The following PDE4B variants were observed in gnomAD, a reference collection of about 807,000 sequenced individuals.
PDE4B encodes 3',5'-cyclic-AMP phosphodiesterase 4B.
Under a neutral mutation model 82.2 loss-of-function variants are expected in PDE4B, and 20 were observed. The ratio of observed to expected loss-of-function variants is 0.24; its 90% CI spans 0.17 to 0.35. The LOEUF (loss-of-function observed/expected upper bound fraction) is 0.35, where lower values mean the gene tolerates loss of function less well. PDE4B is among the 10% of genes least tolerant of loss of function. The pLI is 1.00. For missense variants in PDE4B, 655 were observed against 907.2 expected (o/e 0.72, Z 3.57); for synonymous variants, 320 against 318.9 (o/e 1.00, Z -0.04).
At chr1:65,927,066 A>C (rs189892942) in intron 3 of PDE4B, among the ~76,000 whole-genome samples, 1 of 152,168 alleles carries the variant, frequency 6.6e-6, no homozygotes, top group East Asian at 1.9e-4. Flanking sequence ...AGAGAAACAA[A>C]ACTGAGGAAA....
chr1:66,103,298 C>G (rs1645263319), intron 3 of PDE4B, among the ~76,000 whole-genome samples: 1 of 151,990 alleles, frequency 6.6e-6, no homozygotes, highest in Non-Finnish European at 1.5e-5. Flanking sequence ...AGTTCAAGGA[C>G]CTGCAATAAA....
intron 3 of PDE4B, among the ~76,000 whole-genome samples, chr1:66,096,508 T>TTATATATATATATATATATA (rs4068855): frequency 2.4e-4 from 26 of 107,300 alleles, no homozygotes; most frequent in South Asian, 3.2e-4. Context: ...GTAAAAAAAA[T>TTATATATATATATATATATA]TATATATATA....
chr1:65,903,003 T>G (rs1450152757), intron 1 of PDE4B, among the ~76,000 whole-genome samples: 3 of 152,174 alleles, frequency 2.0e-5, no homozygotes, highest in Non-Finnish European at 4.4e-5. Context: ...CTATATTTTA[T>G]CTGTAAAATA....
chr1:65,923,229 A>G (rs1647315674), intron 3 of PDE4B, among the ~76,000 whole-genome samples: 1 of 152,218 alleles, frequency 6.6e-6, no homozygotes, highest in Non-Finnish European at 1.5e-5. Flanking sequence ...TTGTATTCGT[A>G]TAATACCAGG....
At chr1:65,877,634 A>C (rs1361762551) in intron 1 of PDE4B, among the ~76,000 whole-genome samples, 3 of 150,780 alleles carry the variant, frequency 2.0e-5, no homozygotes, top group African/African-American at 7.3e-5. Flanking sequence ...TAAATAAATA[A>C]ATAAATAAAT....
rs372753339 is a variant in PDE4B, at chr1:65,882,983, C to A, written c.-70-30262C>A. 1.2e-4 allele frequency among the ~76,000 whole-genome samples: 19 copies of A among 152,224 alleles called. No homozygotes were observed. The East Asian group carries it at 3.3e-3, about 26-fold the overall frequency. On this transcript the variant is annotated intron_variant, in intron 1 of 16. Coordinates refer to ENST00000341517, the MANE Select transcript of PDE4B (RefSeq NM_002600.4). Reference sequence around the variant, plus strand: ...TATGTCTTCATTTGAATCTTTCCTGCATCACATTATTATTTATCTGACCTT... The same window carrying A: ...TATGTCTTCATTTGAATCTTTCCTGAATCACATTATTATTTATCTGACCTT...
At chr1:65,984,206 T>G (rs950442885) in intron 3 of PDE4B, among the ~76,000 whole-genome samples, 1 of 152,206 alleles carries the variant, frequency 6.6e-6, no homozygotes, top group South Asian at 2.1e-4. Flanking sequence ...AAGGACATTG[T>G]GCTGAATAAA....
At chr1:65,801,719 C>T (rs12142070) in intron 1 of PDE4B, among the ~76,000 whole-genome samples, 63,271 of 151,996 alleles carry the variant, frequency 0.42, 16,674 homozygotes, top group Non-Finnish European at 0.58. Context: ...CCATAATCTT[C>T]GGTAAGATAG....
chr1:65,894,791 A>T (rs969266580), intron 1 of PDE4B, among the ~76,000 whole-genome samples: 3 of 152,180 alleles, frequency 2.0e-5, no homozygotes, highest in Non-Finnish European at 4.4e-5. Flanking sequence ...GTTCTTAGGG[A>T]AATGTAAATC....
chr1:66,310,818 T>A (rs982963149), intron 7 of PDE4B, among the ~76,000 whole-genome samples: 1 of 152,234 alleles, frequency 6.6e-6, no homozygotes, highest in African/African-American at 2.4e-5. Flanking sequence ...AGATCTTTAA[T>A]GACTCTAAAC....
At chr1:66,115,947 T>A (rs986052114) in intron 3 of PDE4B, among the ~76,000 whole-genome samples, 13 of 152,240 alleles carry the variant, frequency 8.5e-5, no homozygotes, top group Admixed American at 2.0e-4. Flanking sequence ...TATAATACTT[T>A]ATCTTACAGT....
At chr1:65,929,698 C>T (rs771356777) in intron 3 of PDE4B, among the ~76,000 whole-genome samples, 2 of 152,182 alleles carry the variant, frequency 1.3e-5, no homozygotes, top group Non-Finnish European at 2.9e-5. Context: ...AGCTTCATTA[C>T]GTTCCTTGGT....
At chr1:66,260,941 A>G (rs937982420) in intron 6 of PDE4B, among the ~76,000 whole-genome samples, 1 of 152,312 alleles carries the variant, frequency 6.6e-6, no homozygotes, top group South Asian at 2.1e-4. Context: ...GCAGGCCTCC[A>G]GTGGTAAGAT....
intron 3 of PDE4B, among the ~76,000 whole-genome samples, chr1:65,975,962 G>A (rs746164261): frequency 6.6e-5 from 10 of 152,206 alleles, no homozygotes; most frequent in Non-Finnish European, 1.2e-4. Flanking sequence ...GAACTGTGGG[G>A]TTGAAGCTCC....
chr1:66,294,500 T>A (rs1657356423), intron 7 of PDE4B, among the ~76,000 whole-genome samples: 1 of 152,186 alleles, frequency 6.6e-6, no homozygotes, highest in South Asian at 2.1e-4. Context: ...CTTCACTATC[T>A]TCGTAGCCCA....
chr1:66,355,064 T>C (rs1311160992), intron 8 of PDE4B: 5 of 557,966 alleles, frequency 9.0e-6, no homozygotes, highest in Non-Finnish European at 1.5e-5. Context: ...TTTATTTAAG[T>C]GTACTATGCT....
chr1:66,112,053 T>C (rs1158925133), intron 3 of PDE4B, among the ~76,000 whole-genome samples: 1 of 152,078 alleles, frequency 6.6e-6, no homozygotes, highest in African/African-American at 2.4e-5. Flanking sequence ...CAAAGAGCAA[T>C]GTATATAAAA....
At chr1:65,924,275 T>C (rs1000194105) in intron 3 of PDE4B, among the ~76,000 whole-genome samples, 60 of 148,810 alleles carry the variant, frequency 4.0e-4, no homozygotes, top group Non-Finnish European at 6.3e-4. Context: ...GGGGTTTCAC[T>C]GTTTTAGCCG....
chr1:66,136,697 CAAA>C (rs5774802), intron 3 of PDE4B, among the ~76,000 whole-genome samples: 13 of 61,556 alleles, frequency 2.1e-4, no homozygotes, highest in South Asian at 6.6e-4. Context: ...GACTCCCTCT[CAAA>C]AAAAAAAAAA....
Sources: allele counts gnomAD v4.1 joint callset (sites outside exome capture counted in the v4.1 genomes callset), GRCh38; gene constraint gnomAD v4.1.1; transcripts MANE v1.5; gene names NCBI Gene and HGNC (gene_info 2026-07-23, HGNC 2026-07-21).